NR3C2: variants seen among roughly 807,000 people sequenced by gnomAD.
NR3C2 encodes the protein nuclear receptor subfamily 3 group C member 2.
Under a neutral mutation model 86.4 loss-of-function variants are expected in NR3C2, and 15 were observed. That is an observed-to-expected ratio of 0.17 (90% CI 0.12 to 0.27). The LOEUF is 0.27. Ranked by LOEUF, NR3C2 falls within the 10% of genes least tolerant of loss-of-function variation. NR3C2 has a pLI of 1.00. For missense variants in NR3C2, 960 were observed against 1,195.6 expected (o/e 0.80, Z 2.91); for synonymous variants, 458 against 450.5 (o/e 1.02, Z -0.21).
At chr4:148,103,756 G>A (rs72959797) in intron 8 of NR3C2, among the ~76,000 whole-genome samples, 2,906 of 152,126 alleles carry the variant, frequency 0.019, 75 homozygotes, top group African/African-American at 0.067. Flanking sequence ...TGTGGTGACC[G>A]AAGAAGGAAC....
chr4:148,237,397 T>C (rs181123776), intron 3 of NR3C2, among the ~76,000 whole-genome samples: 18 of 152,302 alleles, frequency 1.2e-4, no homozygotes, highest in Admixed American at 8.5e-4. Context: ...AGAATTTAAA[T>C]AACACTTCAA....
chr4:148,196,136 G>C (rs942564620), intron 3 of NR3C2, among the ~76,000 whole-genome samples: 3 of 152,192 alleles, frequency 2.0e-5, no homozygotes, highest in African/African-American at 7.2e-5. Flanking sequence ...TGAGATTCTA[G>C]ATGTATTCCA....
intron 8 of NR3C2, among the ~76,000 whole-genome samples, chr4:148,094,045 C>G (rs1731171305): frequency 6.6e-6 from 1 of 152,120 alleles, no homozygotes; most frequent in Non-Finnish European, 1.5e-5. Context: ...AGCCATTTCT[C>G]CAAAGAAGAT....
intron 3 of NR3C2, among the ~76,000 whole-genome samples, chr4:148,216,495 A>G (rs1024520722): frequency 2.0e-5 from 3 of 152,160 alleles, no homozygotes; most frequent in African/African-American, 7.2e-5. Flanking sequence ...GAAAGAGCCA[A>G]GATTTGAGCC....
At chr4:148,127,124 C>A (rs1732788786) in intron 6 of NR3C2, among the ~76,000 whole-genome samples, 1 of 152,128 alleles carries the variant, frequency 6.6e-6, no homozygotes, top group South Asian at 2.1e-4. Flanking sequence ...AAATCGAATT[C>A]TCTAAATGAA....
At chr4:148,084,210 G>C (rs1048119340) in intron 8 of NR3C2, among the ~76,000 whole-genome samples, 33 of 152,152 alleles carry the variant, frequency 2.2e-4, no homozygotes, top group African/African-American at 7.7e-4. Flanking sequence ...CCAAGACACA[G>C]AATAGTCAGA....
chr4:148,266,560 T>C (rs1450096637), intron 2 of NR3C2, among the ~76,000 whole-genome samples: 1 of 152,126 alleles, frequency 6.6e-6, no homozygotes, highest in Non-Finnish European at 1.5e-5. Flanking sequence ...GTGCAGGATG[T>C]GAGGTCCAAG....
chr4:148,097,608 G>A (rs140036644), intron 8 of NR3C2, among the ~76,000 whole-genome samples: 8 of 152,306 alleles, frequency 5.3e-5, no homozygotes, highest in East Asian at 1.9e-4. Flanking sequence ...AAAGGCTTTT[G>A]TTTAAGGATC....
intron 4 of NR3C2, among the ~76,000 whole-genome samples, chr4:148,158,263 G>C (rs1350412784): frequency 6.6e-6 from 1 of 152,060 alleles, no homozygotes; most frequent in Non-Finnish European, 1.5e-5. Context: ...AAACAGAAAA[G>C]AACAAAGCAC....
Position 148,081,293 on chromosome 4 carries a change from G to C in NR3C2, c.*51C>G, listed in dbSNP as rs755804417. On this transcript the variant is annotated 3_prime_UTR_variant, in exon 9 of 9. Transcript: ENST00000358102. ...CAGGTTTTCTTGGGTCCTTCTGGGT[G>C]TGGAACAACACAGGGAAACTTAAGG... The C allele has an allele frequency of 1.7e-5, 27 of 1,612,362 alleles. No homozygotes were observed. The highest frequency in any genetic ancestry group is 2.1e-5 in the Non-Finnish European group (25 of 1,178,508).
chr4:148,240,460 C>T (rs1261759010), intron 3 of NR3C2, among the ~76,000 whole-genome samples: 1 of 151,806 alleles, frequency 6.6e-6, no homozygotes, highest in Non-Finnish European at 1.5e-5. Context: ...TATCATAAGG[C>T]CATCAGAATA....
chr4:148,346,982 A>G (rs541577841), intron 2 of NR3C2, among the ~76,000 whole-genome samples: 6 of 152,100 alleles, frequency 3.9e-5, no homozygotes, highest in Non-Finnish European at 7.4e-5. Context: ...AGCTGAAAAC[A>G]TGGAATAAGC....
intron 2 of NR3C2, among the ~76,000 whole-genome samples, chr4:148,313,664 C>G (rs573654204): frequency 1.3e-5 from 2 of 152,230 alleles, no homozygotes; most frequent in Non-Finnish European, 2.9e-5. Context: ...CTCTACCACT[C>G]CATTAACTGC....
chr4:148,421,082 C>T (rs566844226), intron 2 of NR3C2, among the ~76,000 whole-genome samples: 1 of 152,316 alleles, frequency 6.6e-6, no homozygotes, highest in South Asian at 2.1e-4. Flanking sequence ...TATATAAATG[C>T]TTGCTGAAAG....
chr4:148,406,187 A>G (rs1191242081), intron 2 of NR3C2, among the ~76,000 whole-genome samples: 1 of 152,114 alleles, frequency 6.6e-6, no homozygotes, highest in African/African-American at 2.4e-5. Context: ...AAACAAACAA[A>G]AAAAGTGAAC....
chr4:148,148,901 A>C (rs1733986465), intron 6 of NR3C2, among the ~76,000 whole-genome samples: 1 of 152,210 alleles, frequency 6.6e-6, no homozygotes. Context: ...AACAGTTAAT[A>C]AATATTCCTG....
chr4:148,399,414 T>C (rs920523020), intron 2 of NR3C2, among the ~76,000 whole-genome samples: 6 of 151,760 alleles, frequency 4.0e-5, no homozygotes, highest in African/African-American at 1.5e-4. Context: ...ATGACATACA[T>C]ATAGTGTATT....
intron 6 of NR3C2, among the ~76,000 whole-genome samples, chr4:148,133,653 A>G (rs755265809): frequency 6.6e-6 from 1 of 152,232 alleles, no homozygotes; most frequent in Admixed American, 6.5e-5. Flanking sequence ...ATGGAGTCAT[A>G]TTCTTCCTAA....
intron 2 of NR3C2, among the ~76,000 whole-genome samples, chr4:148,429,074 A>C (rs761022375): frequency 4.6e-5 from 7 of 152,090 alleles, no homozygotes; most frequent in Non-Finnish European, 8.8e-5. Flanking sequence ...TTTTGCTCAC[A>C]GAGCTCCCTC....
Sources: gnomAD v4.1 joint callset for allele counts (sites outside exome capture counted in the v4.1 genomes callset) on GRCh38, gnomAD v4.1.1 for gene constraint, MANE v1.5 for transcripts, NCBI Gene and HGNC (gene_info 2026-07-23, HGNC 2026-07-21) for gene names.